The following CACHD1 variants were observed in gnomAD, a reference collection of about 807,000 sequenced individuals.
CACHD1 encodes VWFA and cache domain-containing protein 1.
CACHD1 carries 71 observed loss-of-function variants against 138.7 expected under a neutral mutation model. The observed-to-expected ratio is 0.51, with a 90% CI of 0.42 to 0.62. The LOEUF is 0.62. Ranked by LOEUF, CACHD1 falls within the 20% of genes least tolerant of loss-of-function variation. The probability of loss-of-function intolerance (pLI) is 0.00; values close to 1 mark genes in which losing one functional copy is unlikely to be tolerated. For missense variants in CACHD1, 1,389 were observed against 1,625.3 expected, an observed-to-expected ratio of 0.85 and a Z score of 2.50; for synonymous variants, 578 against 591.5, an observed-to-expected ratio of 0.98 and a Z score of 0.33.
intron 9 of CACHD1, among the ~76,000 whole-genome samples, chr1:64,651,232 C>A (rs934278515): frequency 2.5e-4 from 38 of 151,990 alleles, no homozygotes; most frequent in African/African-American, 8.9e-4. Flanking sequence ...CCTGTCTGAC[C>A]CCTTACATAA....
chr1:64,558,777 A>G (rs1646817373), intron 2 of CACHD1, among the ~76,000 whole-genome samples: 1 of 152,226 alleles, frequency 6.6e-6, no homozygotes, highest in Admixed American at 6.5e-5. Context: ...TCTAGCATCT[A>G]TAAGGAACTT....
At chr1:64,509,302 G>T (rs1646401182) in intron 1 of CACHD1, among the ~76,000 whole-genome samples, 2 of 152,114 alleles carry the variant, frequency 1.3e-5, no homozygotes, top group Non-Finnish European at 2.9e-5. Context: ...ATTTTTTAGA[G>T]ATCTCCAGAC....
intron 3 of CACHD1, among the ~76,000 whole-genome samples, chr1:64,596,408 G>A (rs1647152193): frequency 6.6e-6 from 1 of 152,278 alleles, no homozygotes; most frequent in African/African-American, 2.4e-5. Flanking sequence ...ATATGTCTCC[G>A]TGTCATATCA....
At position 64,634,481 on chromosome 1, in the gene CACHD1, T is replaced by C. The variant is rs79305686; in HGVS notation, c.1006+221T>C. Among the ~76,000 whole-genome samples, 1,385 of 151,910 alleles carry C rather than the reference T, an allele frequency of 9.1e-3. 66 individuals are homozygous for C. The highest frequency in any genetic ancestry group is 0.07 in the East Asian group (360 of 5,114). The stretch of plus-strand genomic sequence containing the variant: ...TCACTCCAGCCTTGACTTCCTGGGC[T>C]CCAGCAATCTTTCTACTTCAGCCTC... On this transcript the variant is annotated intron_variant, in intron 7 of 26. Coordinates refer to ENST00000651257, the MANE Select transcript of CACHD1 (RefSeq NM_020925.4).
chr1:64,508,994 T>C (rs1646398498), intron 1 of CACHD1, among the ~76,000 whole-genome samples: 1 of 152,198 alleles, frequency 6.6e-6, no homozygotes, highest in African/African-American at 2.4e-5. Context: ...GCTGCCCAGA[T>C]GGCAAGCACA....
intron 1 of CACHD1, among the ~76,000 whole-genome samples, chr1:64,493,603 G>C (rs187676376): frequency 6.6e-6 from 1 of 152,208 alleles, no homozygotes; most frequent in Admixed American, 6.5e-5. Flanking sequence ...AACAATGCAA[G>C]TGGAGGAAAG....
chr1:64,623,503 C>G (rs1052819432), intron 4 of CACHD1, among the ~76,000 whole-genome samples: 1 of 151,964 alleles, frequency 6.6e-6, no homozygotes, highest in Non-Finnish European at 1.5e-5. Flanking sequence ...GATACCAATC[C>G]TGCAGCTCTC....
intron 2 of CACHD1, among the ~76,000 whole-genome samples, chr1:64,553,793 A>G (rs1281750577): frequency 1.3e-5 from 2 of 152,010 alleles, no homozygotes; most frequent in Admixed American, 6.5e-5. Context: ...GATTTGTTTT[A>G]TATGTACTTA....
chr1:64,515,155 G>T (rs1557470662), intron 1 of CACHD1, among the ~76,000 whole-genome samples: 1 of 152,284 alleles, frequency 6.6e-6, no homozygotes, highest in East Asian at 1.9e-4. Context: ...AATCCAAATG[G>T]TATTAATTCT....
At chr1:64,600,923 G>A (rs995564513) in intron 3 of CACHD1, among the ~76,000 whole-genome samples, 7 of 152,110 alleles carry the variant, frequency 4.6e-5, no homozygotes, top group Admixed American at 2.6e-4. Context: ...AAACTAAGAC[G>A]AAATAAAATA....
At chr1:64,529,422 A>G (rs947586022) in intron 1 of CACHD1, among the ~76,000 whole-genome samples, 1 of 152,176 alleles carries the variant, frequency 6.6e-6, no homozygotes, top group Non-Finnish European at 1.5e-5. Context: ...TATTCTCAAT[A>G]CTTCGCAACC....
chr1:64,564,866 A>G (rs7538093), intron 2 of CACHD1, among the ~76,000 whole-genome samples: 114,641 of 151,372 alleles, frequency 0.76, 46,198 homozygotes, highest in Non-Finnish European at 0.89. Context: ...TTCCACTATA[A>G]GAAAGCTTGA....
At chr1:64,565,688 T>TTATTATATATGTTATTATAAA (rs1646876000) in intron 2 of CACHD1, among the ~76,000 whole-genome samples, 1 of 152,230 alleles carries the variant, frequency 6.6e-6, no homozygotes, top group African/African-American at 2.4e-5. Flanking sequence ...ACATAATTGT[T>TTATTATATATGTTATTATAAA]CTAATATTTA....
chr1:64,492,754 T>C (rs911719959), intron 1 of CACHD1, among the ~76,000 whole-genome samples: 4 of 152,184 alleles, frequency 2.6e-5, no homozygotes, highest in African/African-American at 9.6e-5. Context: ...ATTATCAGGT[T>C]CATTTTTTCT....
chr1:64,484,810 C>G (rs1036191285), intron 1 of CACHD1, among the ~76,000 whole-genome samples: 1 of 152,250 alleles, frequency 6.6e-6, no homozygotes, highest in Non-Finnish European at 1.5e-5. Context: ...TCAGAATTTC[C>G]TTTCTTTCTA....
chr1:64,473,981 G>C (rs564422750), intron 1 of CACHD1, among the ~76,000 whole-genome samples: 1 of 152,322 alleles, frequency 6.6e-6, no homozygotes, highest in South Asian at 2.1e-4. Flanking sequence ...AGAGAAGACA[G>C]TTTGAAAAGC....
At chr1:64,564,237 C>A (rs770623949) in intron 2 of CACHD1, among the ~76,000 whole-genome samples, 3 of 152,194 alleles carry the variant, frequency 2.0e-5, no homozygotes, top group African/African-American at 4.8e-5. Flanking sequence ...GGAGGGGAGA[C>A]TAGAGGTTGA....
chr1:64,682,231 A>G, intron 26 of CACHD1, 125 bp downstream of exon 26: 1 of 793,328 alleles, frequency 1.3e-6, no homozygotes, highest in African/African-American at 1.7e-5. Flanking sequence ...CTGGTTTATA[A>G]GAGCCCGAGG....
chr1:64,600,894 C>T (rs1647206099), intron 3 of CACHD1, among the ~76,000 whole-genome samples: 1 of 152,180 alleles, frequency 6.6e-6, no homozygotes. Flanking sequence ...ATGGTAGCCA[C>T]TCTTCAGTGA....
Sources: gnomAD v4.1 joint callset for allele counts (sites outside exome capture counted in the v4.1 genomes callset) on GRCh38, gnomAD v4.1.1 for gene constraint, MANE v1.5 for transcripts, NCBI Gene and HGNC (gene_info 2026-07-23, HGNC 2026-07-21) for gene names.